POU6F2: variants seen among roughly 807,000 people sequenced by gnomAD.
POU6F2 encodes the protein POU domain, class 6, transcription factor 2.
In POU6F2, 31 loss-of-function variants were observed where a neutral mutation model predicts 71.3. That is an observed-to-expected ratio of 0.43 (90% CI 0.33 to 0.59). The LOEUF is 0.59. Among genes scored for constraint, POU6F2 ranks in the 20% least tolerant of loss-of-function variants. The pLI, the probability that POU6F2 is intolerant of heterozygous loss-of-function variation, is 0.04. For synonymous variants in POU6F2, 347 were observed against 355.7 expected, an observed-to-expected ratio of 0.98 and a Z score of 0.27; for missense variants, 783 against 856.8, an observed-to-expected ratio of 0.91 and a Z score of 1.07.
intron 4 of POU6F2, among the ~76,000 whole-genome samples, chr7:39,272,896 T>C (rs1784365364): frequency 6.6e-6 from 1 of 152,204 alleles, no homozygotes; most frequent in African/African-American, 2.4e-5. Context: ...CAATGAGCAA[T>C]GACAAAGTCA....
intron 2 of POU6F2, among the ~76,000 whole-genome samples, chr7:39,159,205 AT>A (rs1262355055): frequency 1.3e-5 from 2 of 151,858 alleles, no homozygotes; most frequent in African/African-American, 4.8e-5. Flanking sequence ...AAAAATAACC[AT>A]TTCAGATGCC....
At chr7:39,263,599 G>C (rs571859102) in intron 4 of POU6F2, among the ~76,000 whole-genome samples, 7 of 152,268 alleles carry the variant, frequency 4.6e-5, no homozygotes, top group African/African-American at 1.7e-4. Context: ...AATTTGTATT[G>C]GCTTTTGTGT....
intron 5 of POU6F2, among the ~76,000 whole-genome samples, chr7:39,394,946 C>T (rs534482699): frequency 1.5e-4 from 23 of 152,274 alleles, no homozygotes; most frequent in South Asian, 1.0e-3. Flanking sequence ...GACACACAGT[C>T]GATGCTGTGT....
At chr7:39,397,969 C>T (rs2115860071) in intron 5 of POU6F2, among the ~76,000 whole-genome samples, 1 of 151,914 alleles carries the variant, frequency 6.6e-6, no homozygotes. Context: ...CAGGCATGTG[C>T]CACCATGCCC....
At chr7:39,153,412 C>T (rs1341724887) in intron 2 of POU6F2, among the ~76,000 whole-genome samples, 1 of 152,122 alleles carries the variant, frequency 6.6e-6, no homozygotes, top group Admixed American at 6.6e-5. Context: ...GATTTTGCTA[C>T]ACAATACGAT....
chr7:39,129,428 A>G (rs1272985451), intron 2 of POU6F2, among the ~76,000 whole-genome samples: 1 of 152,206 alleles, frequency 6.6e-6, no homozygotes, highest in African/African-American at 2.4e-5. Context: ...TAAGAAGTAT[A>G]ACTGATTCCT....
intron 1 of POU6F2, among the ~76,000 whole-genome samples, chr7:39,025,323 G>C (rs1789775127): frequency 6.6e-6 from 1 of 152,202 alleles, no homozygotes; most frequent in East Asian, 1.9e-4. Context: ...AAAGCTGGAG[G>C]CATCACGCTA....
intron 2 of POU6F2, among the ~76,000 whole-genome samples, chr7:39,151,903 A>G (rs569853370): frequency 6.6e-6 from 1 of 152,288 alleles, no homozygotes; most frequent in Admixed American, 6.5e-5. Flanking sequence ...GACAGTAACA[A>G]AATGTCTGTA....
At chr7:39,157,802 T>A in intron 2 of POU6F2, among the ~76,000 whole-genome samples, 1 of 152,212 alleles carries the variant, frequency 6.6e-6, no homozygotes, top group East Asian at 1.9e-4. Context: ...CAACGAATTG[T>A]TGGAGGTGCA....
At chr7:39,297,228 C>G (rs1784866657) in intron 4 of POU6F2, among the ~76,000 whole-genome samples, 1 of 151,428 alleles carries the variant, frequency 6.6e-6, no homozygotes, top group Non-Finnish European at 1.5e-5. Context: ...CACACACACA[C>G]ACACACACAT....
intron 2 of POU6F2, among the ~76,000 whole-genome samples, chr7:39,153,470 A>G (rs1792801135): frequency 6.6e-6 from 1 of 152,162 alleles, no homozygotes; most frequent in East Asian, 1.9e-4. Flanking sequence ...CATGAAAAAA[A>G]TAGGGAGTCA....
At chr7:39,065,313 C>T (rs779408959) in intron 1 of POU6F2, among the ~76,000 whole-genome samples, 9 of 151,656 alleles carry the variant, frequency 5.9e-5, no homozygotes, top group Non-Finnish European at 1.2e-4. Context: ...AATAACATCA[C>T]AGGATGGGCT....
chr7:39,114,039 C>T (rs966686403), intron 2 of POU6F2, among the ~76,000 whole-genome samples: 4 of 152,100 alleles, frequency 2.6e-5, no homozygotes, highest in African/African-American at 9.7e-5. Context: ...CCAGCAGGAT[C>T]CTAGGCTATA....
At chr7:39,245,140 T>G (rs1303070345) in intron 4 of POU6F2, among the ~76,000 whole-genome samples, 2 of 152,212 alleles carry the variant, frequency 1.3e-5, no homozygotes, top group Non-Finnish European at 2.9e-5. Flanking sequence ...AAAGCCTACT[T>G]TGGGTCTATA....
chr7:39,388,911 A>T (rs1787006735), intron 5 of POU6F2, among the ~76,000 whole-genome samples: 1 of 152,256 alleles, frequency 6.6e-6, no homozygotes, highest in South Asian at 2.1e-4. Flanking sequence ...AAAAATGTTT[A>T]GAAAAATATA....
At chr7:39,007,660 A>T (rs139819573) in intron 1 of POU6F2, among the ~76,000 whole-genome samples, 1 of 152,118 alleles carries the variant, frequency 6.6e-6, no homozygotes, top group Non-Finnish European at 1.5e-5. Flanking sequence ...ATATACCCCA[A>T]TGCTATCCCT....
intron 4 of POU6F2, among the ~76,000 whole-genome samples, chr7:39,281,775 C>CA (rs1784566456): frequency 6.6e-6 from 1 of 152,050 alleles, no homozygotes; most frequent in African/African-American, 2.4e-5. Flanking sequence ...GTAGTACAGA[C>CA]ATCTCTTCAA....
At chr7:39,419,219 C>T (rs1358210010) in intron 6 of POU6F2, among the ~76,000 whole-genome samples, 1 of 149,550 alleles carries the variant, frequency 6.7e-6, no homozygotes, top group Non-Finnish European at 1.5e-5. Flanking sequence ...GGTGGCTGAT[C>T]TAAAGTAGAG....
At chr7:39,047,399 A>C in intron 1 of POU6F2, among the ~76,000 whole-genome samples, 1 of 151,738 alleles carries the variant, frequency 6.6e-6, no homozygotes, top group East Asian at 1.9e-4. Context: ...TTCACTCAGC[A>C]CTTGTAGTTT....
Sources: allele counts gnomAD v4.1 joint callset (sites outside exome capture counted in the v4.1 genomes callset), GRCh38; gene constraint gnomAD v4.1.1; transcripts MANE v1.5; gene names NCBI Gene and HGNC (gene_info 2026-07-23, HGNC 2026-07-21).